The following KCNQ3 variants were observed in gnomAD, a reference collection of about 807,000 sequenced individuals.
KCNQ3 encodes the protein potassium voltage-gated channel subfamily Q member 3, also known as potassium voltage-gated channel subfamily KQT member 3.
In KCNQ3, 30 loss-of-function variants were observed where a neutral mutation model predicts 92.5. The observed-to-expected ratio is 0.32, with a 90% CI of 0.24 to 0.44. KCNQ3 has a LOEUF of 0.44. KCNQ3 is among the 20% of genes least tolerant of loss of function. KCNQ3 has a pLI of 1.00. For missense variants in KCNQ3, 913 were observed against 1,140.3 expected (o/e 0.80, Z 2.87); for synonymous variants, 450 against 468.8 (o/e 0.96, Z 0.52).
intron 1 of KCNQ3, among the ~76,000 whole-genome samples, chr8:132,380,622 G>A (rs1819721720): frequency 6.6e-6 from 1 of 152,034 alleles, no homozygotes; most frequent in South Asian, 2.1e-4. Context: ...ACCCGTGGCT[G>A]CAGGAATTTC....
At chr8:132,420,451 C>T (rs1451244706) in intron 1 of KCNQ3, among the ~76,000 whole-genome samples, 4 of 152,102 alleles carry the variant, frequency 2.6e-5, no homozygotes, top group Admixed American at 2.0e-4. Context: ...ACCAGCCTGG[C>T]GACATCTGCA....
intron 1 of KCNQ3, among the ~76,000 whole-genome samples, chr8:132,425,522 A>G (rs1035020670): frequency 7.2e-5 from 11 of 152,216 alleles, no homozygotes; most frequent in Admixed American, 2.6e-4. Flanking sequence ...TGATATCATC[A>G]TTACTCCTCT....
rs953200575 is a variant in KCNQ3 at position 132,124,238 on chromosome 8, T to C, written c.*5024A>G. On this transcript the variant is annotated 3_prime_UTR_variant, in exon 15 of 15. Coordinates refer to ENST00000388996, the MANE Select transcript of KCNQ3 (RefSeq NM_004519.4). ...GCAATTGTGAAAGCATTTGATTTAA[T>C]AATTAGGATTGTTTCTCCACGATTC... The C allele has an allele frequency of 7.9e-5, 12 of 152,148 alleles. No homozygotes were observed. Among genetic ancestry groups the C allele is most frequent in the African/African-American group, 2.9e-4 (12 of 41,398 alleles). 9.4% of individuals were successfully genotyped at this position (152,148 alleles called of 1,614,324 possible).
chr8:132,440,302 T>G (rs1821502241), intron 1 of KCNQ3, among the ~76,000 whole-genome samples: 1 of 152,190 alleles, frequency 6.6e-6, no homozygotes, highest in African/African-American at 2.4e-5. Context: ...ACAGATGAAG[T>G]GCTGCCCTGC....
chr8:132,381,986 G>A (rs1280644855), intron 1 of KCNQ3, among the ~76,000 whole-genome samples: 1 of 152,218 alleles, frequency 6.6e-6, no homozygotes, highest in Non-Finnish European at 1.5e-5. Context: ...GGCCTGCCTC[G>A]TCATGGCATC....
chr8:132,241,466 C>T (rs567159868), intron 1 of KCNQ3, among the ~76,000 whole-genome samples: 2 of 151,950 alleles, frequency 1.3e-5, no homozygotes, highest in Admixed American at 6.6e-5. Context: ...GGTGCGGTAT[C>T]GGCTCACTGC....
chr8:132,247,783 A>C (rs900515810), intron 1 of KCNQ3, among the ~76,000 whole-genome samples: 1 of 151,060 alleles, frequency 6.6e-6, no homozygotes, highest in Non-Finnish European at 1.5e-5. Flanking sequence ...GGGCAACAAG[A>C]ACAAAACTCC....
chr8:132,224,561 T>C (rs1030564282), intron 1 of KCNQ3, among the ~76,000 whole-genome samples: 43 of 152,224 alleles, frequency 2.8e-4, no homozygotes, highest in Non-Finnish European at 3.2e-4. Flanking sequence ...AGCAGGAACA[T>C]AATGTACTCT....
chr8:132,355,115 T>C (rs77748398), intron 1 of KCNQ3, among the ~76,000 whole-genome samples: 406 of 152,334 alleles, frequency 2.7e-3, no homozygotes, highest in Non-Finnish European at 3.9e-3. Flanking sequence ...TATCTATTTA[T>C]GAAAATGTCA....
intron 1 of KCNQ3, among the ~76,000 whole-genome samples, chr8:132,378,518 C>T (rs1003726908): frequency 2.0e-5 from 3 of 152,230 alleles, no homozygotes; most frequent in African/African-American, 7.2e-5. Context: ...TTCCAGGACA[C>T]TTTTCCATAC....
At chr8:132,285,065 A>T (rs1188486703) in intron 1 of KCNQ3, among the ~76,000 whole-genome samples, 1 of 152,170 alleles carries the variant, frequency 6.6e-6, no homozygotes, top group Non-Finnish European at 1.5e-5. Flanking sequence ...AGTCATAGGT[A>T]TTTTTTTGGT....
chr8:132,180,233 A>T lies in KCNQ3; in HGVS notation c.701T>A (p.Ile234Asn). Residue 234 changes from isoleucine to asparagine, a missense_variant, in exon 4 of 15, where the codon ATC becomes AAC. Transcript: ENST00000388996. ...TSLRSLRFLQILRMLRMDRRG... is the reference protein window; with the variant it reads ...TSLRSLRFLQNLRMLRMDRRG... The stretch of plus-strand genomic sequence containing the variant: ...CCGGTCCATCCGCAGCATGCGCAGG[A>T]TCTGCAGGAAGCGCAGGCTTCGCAG... 6.2e-7 allele frequency: 1 copy of T among 1,614,212 alleles called. No individual in the cohort carries two copies. Among genetic ancestry groups the T allele is most frequent in the Non-Finnish European group, 8.5e-7 (1 of 1,180,048 alleles).
Position 132,250,818 on chromosome 8 carries a change from G to C in KCNQ3, c.387-64637C>G, listed in dbSNP as rs1394263596. 6.2e-4 allele frequency among the ~76,000 whole-genome samples: 94 copies of C among 152,148 alleles called. 1 individual carries two copies. The highest frequency in any genetic ancestry group is 6.0e-3 in the Admixed American group (91 of 15,272). ...GCTGCCCTTAAGGTACTCAAAGAGGGTGATCTCAAGCTCTCCCCTACCCAC... is the reference window on the plus strand; with the variant it reads ...GCTGCCCTTAAGGTACTCAAAGAGGCTGATCTCAAGCTCTCCCCTACCCAC... On this transcript the variant is annotated intron_variant, in intron 1 of 14. Coordinates refer to ENST00000388996, the MANE Select transcript of KCNQ3 (RefSeq NM_004519.4).
chr8:132,132,286 T>A, intron 13 of KCNQ3, 22 bp from the exon 14 acceptor site: 1 of 1,574,914 alleles, frequency 6.3e-7, no homozygotes, highest in African/African-American at 1.3e-5. Context: ...CGAACACTTC[T>A]ATAAGATCAT....
intron 1 of KCNQ3, among the ~76,000 whole-genome samples, chr8:132,271,458 C>A (rs1816145392): frequency 6.6e-6 from 1 of 152,132 alleles, no homozygotes; most frequent in South Asian, 2.1e-4. Flanking sequence ...CTCTTGAACT[C>A]TGCAACCCAG....
chr8:132,339,686 A>G (rs560861072), intron 1 of KCNQ3, among the ~76,000 whole-genome samples: 5 of 152,286 alleles, frequency 3.3e-5, no homozygotes, highest in African/African-American at 9.6e-5. Flanking sequence ...GGCTTATATG[A>G]CAAGCAAACA....
chr8:132,425,541 A>G (rs1821087683), intron 1 of KCNQ3, among the ~76,000 whole-genome samples: 1 of 152,160 alleles, frequency 6.6e-6, no homozygotes, highest in African/African-American at 2.4e-5. Context: ...CTCTTTATTC[A>G]GTGTCACCAT....
chr8:132,162,857 T>C (rs530657699), intron 9 of KCNQ3, among the ~76,000 whole-genome samples: 29 of 152,300 alleles, frequency 1.9e-4, no homozygotes, highest in African/African-American at 6.5e-4. Flanking sequence ...GAGGAGAGCA[T>C]TTGGACTTAG....
intron 1 of KCNQ3, among the ~76,000 whole-genome samples, chr8:132,454,246 G>A (rs1402927946): frequency 2.0e-5 from 3 of 152,074 alleles, no homozygotes; most frequent in Non-Finnish European, 4.4e-5. Flanking sequence ...GTTCATGTAG[G>A]TTCCATCCCA....
Sources: allele counts gnomAD v4.1 joint callset (sites outside exome capture counted in the v4.1 genomes callset), GRCh38; gene constraint gnomAD v4.1.1; transcripts MANE v1.5; gene names NCBI Gene and HGNC (gene_info 2026-07-23, HGNC 2026-07-21).